Variants in DAB1 observed in about 807,000 individuals in gnomAD.
DAB1 encodes DAB adaptor protein 1.
Under a neutral mutation model 64.6 loss-of-function variants are expected in DAB1, and 15 were observed. The ratio of observed to expected loss-of-function variants is 0.23; its 90% CI spans 0.16 to 0.36. DAB1 has a LOEUF of 0.36. Among genes scored for constraint, DAB1 ranks in the 10% least tolerant of loss-of-function variants. The pLI, the probability that DAB1 is intolerant of heterozygous loss-of-function variation, is 1.00. For missense variants in DAB1, 596 were observed against 706.7 expected (o/e 0.84, Z 1.78); for synonymous variants, 235 against 251.9 (o/e 0.93, Z 0.64).
chr1:57,472,732 A>G (rs1471093962), intron 7 of DAB1, among the ~76,000 whole-genome samples: 1 of 152,136 alleles, frequency 6.6e-6, no homozygotes, highest in South Asian at 2.1e-4. Context: ...TTGAGACAGG[A>G]GTCTTGCCGA....
At chr1:57,018,965 T>A (rs781475644) in intron 11 of DAB1, among the ~76,000 whole-genome samples, 16 of 152,174 alleles carry the variant, frequency 1.1e-4, no homozygotes, top group Non-Finnish European at 1.0e-4. Flanking sequence ...TGTCTAACCC[T>A]GATTTGCTCT....
intron 4 of DAB1, among the ~76,000 whole-genome samples, chr1:58,324,259 A>C (rs1398016257): frequency 1.3e-5 from 2 of 152,202 alleles, no homozygotes; most frequent in African/African-American, 4.8e-5. Flanking sequence ...GATACAGTAG[A>C]TGTTCAGTAA....
intron 5 of DAB1, among the ~76,000 whole-genome samples, chr1:58,056,668 G>A (rs1465181426): frequency 2.0e-5 from 3 of 152,008 alleles, no homozygotes; most frequent in African/African-American, 7.2e-5. Flanking sequence ...TCAGCCCAGG[G>A]CCCCCAGATG....
intron 2 of DAB1, among the ~76,000 whole-genome samples, chr1:57,287,930 G>A (rs986088381): frequency 6.6e-5 from 10 of 151,966 alleles, no homozygotes; most frequent in Admixed American, 6.6e-4. Context: ...CGAGTAGCTG[G>A]GATTACAGGT....
rs1669695881 is a variant in DAB1 at position 57,255,510 on chromosome 1, A to T, written c.67+35454T>A. Among the ~76,000 whole-genome samples, 3 of 152,118 alleles carry T rather than the reference A, an allele frequency of 2.0e-5. No individual in the cohort carries two copies. In the South Asian group the frequency reaches 6.2e-4, roughly 32 times the overall value. ...AACCCTGTACCAAAAATACAAAAAA[A>T]TTAGCTGGATGTGGTGATGCATGGC... On this transcript the variant is annotated intron_variant, in intron 2 of 14. Transcript: ENST00000371236.
chr1:58,016,465 T>C (rs1646740580), intron 5 of DAB1, among the ~76,000 whole-genome samples: 1 of 152,178 alleles, frequency 6.6e-6, no homozygotes, highest in Admixed American at 6.5e-5. Flanking sequence ...TGAACAACTA[T>C]TCTCCCTGCT....
chr1:57,413,164 C>G (rs1306271232), intron 1 of DAB1, among the ~76,000 whole-genome samples: 1 of 152,188 alleles, frequency 6.6e-6, no homozygotes, highest in East Asian at 1.9e-4. Flanking sequence ...TTTAAGTCCA[C>G]TGTTGAGACC....
At chr1:58,533,255 G>T (rs80107109) in intron 1 of DAB1, among the ~76,000 whole-genome samples, 4,083 of 152,246 alleles carry the variant, frequency 0.027, 182 homozygotes, top group African/African-American at 0.092. Context: ...TAAAAACCAG[G>T]TAACTGTAGT....
intron 7 of DAB1, among the ~76,000 whole-genome samples, chr1:57,449,084 T>C (rs1319503461): frequency 2.6e-5 from 4 of 152,038 alleles, no homozygotes; most frequent in African/African-American, 9.7e-5. Flanking sequence ...TATGACCGAG[T>C]ATCAGGAGAA....
intron 4 of DAB1, among the ~76,000 whole-genome samples, chr1:58,213,997 T>C (rs1014588601): frequency 6.6e-6 from 1 of 152,172 alleles, no homozygotes; most frequent in East Asian, 1.9e-4. Flanking sequence ...CTTAACTCTA[T>C]CTTTCACACT....
intron 2 of DAB1, among the ~76,000 whole-genome samples, chr1:58,508,408 G>A (rs1323703082): frequency 1.3e-5 from 2 of 152,154 alleles, no homozygotes; most frequent in Non-Finnish European, 2.9e-5. Flanking sequence ...GATAATATAC[G>A]AATTCCCTTT....
intron 3 of DAB1, among the ~76,000 whole-genome samples, chr1:58,458,075 C>T (rs968766718): frequency 2.0e-5 from 3 of 152,198 alleles, no homozygotes; most frequent in Non-Finnish European, 2.9e-5. Flanking sequence ...CCTGTCTTCC[C>T]GGAGCACAGA....
chr1:58,536,246 T>C (rs1170606380), intron 1 of DAB1, among the ~76,000 whole-genome samples: 1 of 152,020 alleles, frequency 6.6e-6, no homozygotes, highest in Non-Finnish European at 1.5e-5. Context: ...CCTAACCCAG[T>C]CTGGATAATC....
intron 1 of DAB1, among the ~76,000 whole-genome samples, chr1:57,870,967 A>G (rs1643938208): frequency 6.6e-6 from 1 of 152,218 alleles, no homozygotes; most frequent in South Asian, 2.1e-4. Flanking sequence ...AAAAGCGTTT[A>G]GTATAGCACC....
At chr1:58,400,157 T>C (rs1644557312) in intron 3 of DAB1, among the ~76,000 whole-genome samples, 2 of 151,974 alleles carry the variant, frequency 1.3e-5, no homozygotes, top group African/African-American at 4.8e-5. Context: ...CCCTAGTCTC[T>C]GCCTTTCTCT....
At chr1:57,550,802 T>A (rs1440688172) in intron 7 of DAB1, among the ~76,000 whole-genome samples, 1 of 152,222 alleles carries the variant, frequency 6.6e-6, no homozygotes, top group African/African-American at 2.4e-5. Context: ...AAGCACATAG[T>A]TTAGTATCTT....
Position 58,180,281 on chromosome 1 carries a change from C to CTTTTTTT in DAB1, n.310-29700_310-29694dup, listed in dbSNP as rs869204611. Among the ~76,000 whole-genome samples, 201 of 61,020 alleles carry CTTTTTTT rather than the reference C, an allele frequency of 3.3e-3. 2 individuals carry two copies. The highest frequency in any genetic ancestry group is 6.3e-3 in the East Asian group (12 of 1,892). The allele number at this position is 61,020 out of a possible 152,430, so 40.0% of individuals were successfully genotyped here. ...CTTTCTTTTTTCTTTTTTTTCTTTT[C>CTTTTTTT]TTTTTTTTTTTTTTTTTTTTTTTTT... On this transcript the variant is annotated intron_variant and non_coding_transcript_variant, in intron 4 of 20. Transcript: ENST00000485760.
At chr1:57,380,186 T>C (rs1384234719) in intron 1 of DAB1, among the ~76,000 whole-genome samples, 1 of 152,104 alleles carries the variant, frequency 6.6e-6, no homozygotes, top group Non-Finnish European at 1.5e-5. Context: ...TTTCATTCTA[T>C]AGAAATGAAA....
At chr1:58,398,967 A>C (rs1644547570) in intron 3 of DAB1, among the ~76,000 whole-genome samples, 1 of 152,228 alleles carries the variant, frequency 6.6e-6, no homozygotes, top group Non-Finnish European at 1.5e-5. Context: ...AAATTTTAAA[A>C]ATAAAAAAGG....
Sources: allele counts gnomAD v4.1 joint callset (sites outside exome capture counted in the v4.1 genomes callset), GRCh38; gene constraint gnomAD v4.1.1; transcripts MANE v1.5; gene names NCBI Gene and HGNC (gene_info 2026-07-23, HGNC 2026-07-21).